DOCK1: variants seen among roughly 807,000 people sequenced by gnomAD.
The protein encoded by DOCK1 is dedicator of cytokinesis protein 1.
Under a neutral mutation model 262.7 loss-of-function variants are expected in DOCK1, and 138 were observed. That is an observed-to-expected ratio of 0.53 (90% CI 0.46 to 0.61). The LOEUF (loss-of-function observed/expected upper bound fraction) is 0.61. Ranked by LOEUF, DOCK1 falls within the 20% of genes least tolerant of loss-of-function variation. The pLI, the probability that DOCK1 is intolerant of heterozygous loss-of-function variation, is 0.00. For synonymous variants in DOCK1, 866 were observed against 867.4 expected, an observed-to-expected ratio of 1.00 and a Z score of 0.03; for missense variants, 1,908 against 2,370.7, an observed-to-expected ratio of 0.80 and a Z score of 4.05.
intron 13 of DOCK1, among the ~76,000 whole-genome samples, chr10:127,021,229 G>A (rs939441919): frequency 1.3e-5 from 2 of 152,164 alleles, no homozygotes; most frequent in East Asian, 3.9e-4. Context: ...GCAGTAGCAC[G>A]ATCTCAGCTC....
chr10:127,123,960 A>G (rs1171192513), intron 25 of DOCK1, among the ~76,000 whole-genome samples: 2 of 152,252 alleles, frequency 1.3e-5, no homozygotes, highest in Non-Finnish European at 1.5e-5. Flanking sequence ...TTAATTGGAC[A>G]AAACTTCTTG....
intron 48 of DOCK1, among the ~76,000 whole-genome samples, chr10:127,438,578 C>T (rs2069853810): frequency 6.6e-6 from 1 of 152,222 alleles, no homozygotes. Flanking sequence ...CACCTGAAAA[C>T]AACCGTCTAT....
At chr10:127,305,303 G>T (rs2061833436) in intron 29 of DOCK1, among the ~76,000 whole-genome samples, 1 of 152,112 alleles carries the variant, frequency 6.6e-6, no homozygotes, top group African/African-American at 2.4e-5. Context: ...ATCGACTTTG[G>T]GATTGTGCAC....
chr10:127,023,165 A>G (rs2042566811), intron 13 of DOCK1, 35 bp from the exon 14 acceptor site: 1 of 1,609,586 alleles, frequency 6.2e-7, no homozygotes, highest in Admixed American at 1.7e-5. Context: ...TTAATAATGG[A>G]TTGTTTTTTA....
At chr10:127,409,537 G>A in intron 42 of DOCK1, 146 bp downstream of exon 42, 2 of 829,424 alleles carry the variant, frequency 2.4e-6, no homozygotes, top group Non-Finnish European at 3.8e-6. Context: ...GAAGAGCAAG[G>A]GAAGCTAATT....
intron 23 of DOCK1, among the ~76,000 whole-genome samples, chr10:127,088,603 T>A (rs1164368638): frequency 6.6e-6 from 1 of 152,214 alleles, no homozygotes; most frequent in East Asian, 1.9e-4. Context: ...GGAAAGAGAA[T>A]GTGAAAGGTA....
At chr10:127,133,236 A>C (rs2050430305) in intron 27 of DOCK1, among the ~76,000 whole-genome samples, 1 of 152,208 alleles carries the variant, frequency 6.6e-6, no homozygotes, top group South Asian at 2.1e-4. Flanking sequence ...TTTCCCAGTG[A>C]ATAGTGCCTT....
intron 4 of DOCK1, among the ~76,000 whole-genome samples, chr10:126,987,319 A>G (rs867900159): frequency 1.5e-4 from 23 of 152,294 alleles, no homozygotes; most frequent in Middle Eastern, 6.8e-3. Context: ...TAATGTATGA[A>G]CCTTCCCAAG....
intron 35 of DOCK1, among the ~76,000 whole-genome samples, chr10:127,376,868 G>C (rs1053440738): frequency 6.6e-6 from 1 of 152,154 alleles, no homozygotes; most frequent in Non-Finnish European, 1.5e-5. Flanking sequence ...CTGAATATGG[G>C]CTCTTACTAC....
At chr10:127,091,883 C>T (rs562012463) in intron 23 of DOCK1, among the ~76,000 whole-genome samples, 4 of 152,258 alleles carry the variant, frequency 2.6e-5, no homozygotes, top group Admixed American at 1.3e-4. Context: ...CCCATTCATG[C>T]TTACAGGGTA....
intron 29 of DOCK1, among the ~76,000 whole-genome samples, chr10:127,288,920 G>A (rs2061256899): frequency 6.6e-6 from 1 of 152,006 alleles, no homozygotes; most frequent in African/African-American, 2.4e-5. Context: ...CACTTGAGAT[G>A]AATCCTTGCA....
In DOCK1 at chr10:127,245,353, T is replaced by G. The variant is rs547377823; in HGVS notation, c.2848-2655T>G. On this transcript the variant is annotated intron_variant, in intron 27 of 51. Coordinates refer to ENST00000623213, the MANE Select transcript of DOCK1 (RefSeq NM_001290223.2). ...TGACTTCTGGAACATTTCCTTAAGT[T>G]TGGTAAAGAGGGCACGCACAGTGCC... is the stretch of plus-strand genomic sequence containing the variant. 1.2e-4 allele frequency among the ~76,000 whole-genome samples: 19 copies of G among 152,302 alleles called. No homozygotes were observed. The East Asian group carries it at 2.9e-3, about 23-fold the overall frequency.
At chr10:127,037,892 G>C (rs1458411152) in intron 19 of DOCK1, 76 bp downstream of exon 19, 6 of 1,167,116 alleles carry the variant, frequency 5.1e-6, no homozygotes, top group Middle Eastern at 2.2e-4. Flanking sequence ...GAAGTAGGCA[G>C]TGACTTCAAA....
At chr10:126,949,629 T>C (rs906751942) in intron 1 of DOCK1, among the ~76,000 whole-genome samples, 1 of 152,146 alleles carries the variant, frequency 6.6e-6, no homozygotes, top group Admixed American at 6.5e-5. Flanking sequence ...TTCTGTGCTA[T>C]AACTATAAAT....
At chr10:127,397,350 A>T (rs11017850) in intron 38 of DOCK1, among the ~76,000 whole-genome samples, 1 of 143,572 alleles carries the variant, frequency 7.0e-6, no homozygotes. Context: ...GGTGTCTCCT[A>T]TGTGATCTGA....
chr10:127,141,536 G>A (rs960916554), intron 27 of DOCK1, among the ~76,000 whole-genome samples: 1 of 152,082 alleles, frequency 6.6e-6, no homozygotes, highest in Non-Finnish European at 1.5e-5. Flanking sequence ...AACCCCATCT[G>A]TACTAAAAAT....
At chr10:127,440,704 C>G (rs984533480) in intron 49 of DOCK1, among the ~76,000 whole-genome samples, 21 of 152,248 alleles carry the variant, frequency 1.4e-4, no homozygotes, top group African/African-American at 5.1e-4. Context: ...GCAAACGCCC[C>G]AGCCATGACT....
intron 27 of DOCK1, among the ~76,000 whole-genome samples, chr10:127,173,657 C>G (rs991912892): frequency 6.6e-6 from 1 of 152,126 alleles, no homozygotes; most frequent in Admixed American, 6.5e-5. Flanking sequence ...CCAACTATAT[C>G]AACATCAGTG....
chr10:126,912,430 CAA>C (rs35586867), intron 1 of DOCK1, among the ~76,000 whole-genome samples: 3 of 137,920 alleles, frequency 2.2e-5, no homozygotes, highest in Admixed American at 7.2e-5. Flanking sequence ...AACTCCATCT[CAA>C]AAAAAAAAAA....
Sources: gnomAD v4.1 joint callset for allele counts (sites outside exome capture counted in the v4.1 genomes callset) on GRCh38, gnomAD v4.1.1 for gene constraint, MANE v1.5 for transcripts, NCBI Gene and HGNC (gene_info 2026-07-23, HGNC 2026-07-21) for gene names.